ZCCHC7: variants seen among roughly 807,000 people sequenced by gnomAD.
ZCCHC7 encodes the protein zinc finger CCHC domain-containing protein 7.
In ZCCHC7, 35 loss-of-function variants were observed where a neutral mutation model predicts 52.0. That is an observed-to-expected ratio of 0.67 (90% confidence interval 0.51 to 0.89). ZCCHC7 has a LOEUF of 0.89. ZCCHC7 is among the 40% of genes least tolerant of loss of function. ZCCHC7 has a pLI of 0.00. For missense variants in ZCCHC7, 574 were observed against 649.1 expected, an observed-to-expected ratio of 0.88 and a Z score of 1.26; for synonymous variants, 217 against 221.5, an observed-to-expected ratio of 0.98 and a Z score of 0.18.
At chr9:37,261,446 CTCCTCTTA>C (rs1278193067) in intron 2 of ZCCHC7, among the ~76,000 whole-genome samples, 2 of 152,150 alleles carry the variant, frequency 1.3e-5, no homozygotes, top group Admixed American at 1.3e-4. Context: ...CTGTTTGATC[CTCCTCTTA>C]TCCTCTTAAC....
At chr9:37,330,105 A>C (rs1830397551) in intron 6 of ZCCHC7, among the ~76,000 whole-genome samples, 1 of 151,814 alleles carries the variant, frequency 6.6e-6, no homozygotes, top group Non-Finnish European at 1.5e-5. Flanking sequence ...ATGTTTATCC[A>C]GGAGTCGTTT....
chr9:37,346,444 GGCAA>G (rs1341484355), intron 6 of ZCCHC7, among the ~76,000 whole-genome samples: 2 of 152,192 alleles, frequency 1.3e-5, no homozygotes, highest in Non-Finnish European at 2.9e-5. Context: ...GGGAGGCGAA[GGCAA>G]GCAATTCACC....
chr9:37,323,269 AT>A (rs1373303070), intron 5 of ZCCHC7, among the ~76,000 whole-genome samples: 1 of 152,226 alleles, frequency 6.6e-6, no homozygotes, highest in African/African-American at 2.4e-5. Context: ...ATTAGCAACT[AT>A]TTGTGAAATT....
At chr9:37,215,100 A>G (rs1380579372) in intron 2 of ZCCHC7, among the ~76,000 whole-genome samples, 2 of 152,142 alleles carry the variant, frequency 1.3e-5, no homozygotes, top group Non-Finnish European at 2.9e-5. Flanking sequence ...ACAGAGGGAA[A>G]AATCTAAATT....
At chr9:37,324,057 A>G (rs1830149391) in intron 5 of ZCCHC7, among the ~76,000 whole-genome samples, 1 of 152,234 alleles carries the variant, frequency 6.6e-6, no homozygotes, top group African/African-American at 2.4e-5. Context: ...TCATTCAACA[A>G]TTTTTAAACT....
intron 6 of ZCCHC7, among the ~76,000 whole-genome samples, chr9:37,338,783 G>GT (rs1169603567): frequency 2.7e-4 from 40 of 150,468 alleles, no homozygotes; most frequent in African/African-American, 9.3e-4. Context: ...GTTGTTTTTT[G>GT]TTTTCTTTTT....
intron 2 of ZCCHC7, among the ~76,000 whole-genome samples, chr9:37,202,247 C>T (rs1384616624): frequency 1.3e-5 from 2 of 152,174 alleles, no homozygotes; most frequent in Admixed American, 6.5e-5. Flanking sequence ...ATTGGGATAA[C>T]ATGCATGTAC....
At chr9:37,282,894 T>A (rs1262556083) in intron 2 of ZCCHC7, among the ~76,000 whole-genome samples, 59 of 127,914 alleles carry the variant, frequency 4.6e-4, no homozygotes, top group African/African-American at 1.7e-3. Context: ...TTTTTTTTTT[T>A]AATGAAAATG....
intron 2 of ZCCHC7, among the ~76,000 whole-genome samples, chr9:37,146,176 T>C (rs897672119): frequency 6.6e-6 from 1 of 151,922 alleles, no homozygotes; most frequent in African/African-American, 2.4e-5. Flanking sequence ...AGTCCTTTGC[T>C]TACTGCTGTA....
intron 2 of ZCCHC7, among the ~76,000 whole-genome samples, chr9:37,222,328 AGTGTGTGTGTGTGT>A (rs74182938): frequency 2.7e-3 from 356 of 133,094 alleles, no homozygotes; most frequent in South Asian, 5.5e-3. Flanking sequence ...AGAATAACAG[AGTGTGTGTGTGTGT>A]GTGTGTGTGT....
intron 7 of ZCCHC7, among the ~76,000 whole-genome samples, chr9:37,351,605 C>T (rs1821382372): frequency 6.6e-6 from 1 of 152,210 alleles, no homozygotes; most frequent in South Asian, 2.1e-4. Context: ...CCATGCCCAG[C>T]CAAGAAGACT....
rs7861986 is a variant in ZCCHC7, at chr9:37,206,368, G to A, written c.610+79426G>A. Reference sequence around the variant, plus strand: ...CTTCCCTCCCGCCTTCACCTTTCCCGCTTCGTTTTGGCAGGGTCTCCCTCT... The same window carrying A: ...CTTCCCTCCCGCCTTCACCTTTCCCACTTCGTTTTGGCAGGGTCTCCCTCT... On this transcript the variant is annotated intron_variant, in intron 2 of 8. Transcript: ENST00000336755. 6.2e-3 allele frequency among the ~76,000 whole-genome samples: 812 copies of A among 131,262 alleles called. 7 individuals carry two copies. Among genetic ancestry groups the A allele is most frequent in the African/African-American group, 0.019 (666 of 35,326 alleles). 86.1% of individuals were successfully genotyped at this position (131,262 alleles called of 152,430 possible).
At chr9:37,294,538 T>G (rs1828691538) in intron 2 of ZCCHC7, among the ~76,000 whole-genome samples, 1 of 152,190 alleles carries the variant, frequency 6.6e-6, no homozygotes, top group African/African-American at 2.4e-5. Flanking sequence ...TTGAAGTCCA[T>G]TTTAATTCTT....
At chr9:37,349,539 A>C in intron 7 of ZCCHC7, 87 bp downstream of exon 7, 1 of 1,260,746 alleles carries the variant, frequency 7.9e-7, no homozygotes, top group Non-Finnish European at 1.1e-6. Flanking sequence ...TGTAACTCTA[A>C]ATACTTACTT....
chr9:37,200,104 A>T (rs1823552800), intron 2 of ZCCHC7, among the ~76,000 whole-genome samples: 1 of 151,942 alleles, frequency 6.6e-6, no homozygotes, highest in South Asian at 2.1e-4. Flanking sequence ...ATTGGGTTAC[A>T]CGTTCTTTTA....
At position 37,182,656 on chromosome 9, in the gene ZCCHC7, G is replaced by A. The variant is rs187586823; in HGVS notation, c.610+55714G>A. 3.3e-5 allele frequency among the ~76,000 whole-genome samples: 5 copies of A among 152,156 alleles called. No individual in the cohort carries two copies. In the East Asian group the frequency reaches 5.8e-4, roughly 18 times the overall value. On this transcript the variant is annotated intron_variant, in intron 2 of 8. Transcript: ENST00000336755. ...GCTGGGATTATAGGCATGAGCCACC[G>A]CGCCTGGCCCAGTCGTAGTGATTTC...
chr9:37,196,616 C>A (rs887406875), intron 2 of ZCCHC7, among the ~76,000 whole-genome samples: 11 of 151,996 alleles, frequency 7.2e-5, no homozygotes, highest in African/African-American at 9.7e-5. Flanking sequence ...TACATAGTGA[C>A]CATTTTTAGC....
Position 37,253,252 on chromosome 9 carries a change from G to GT in ZCCHC7, c.611-48927dup, listed in dbSNP as rs941476317. 2.5e-4 allele frequency among the ~76,000 whole-genome samples: 38 copies of GT among 150,978 alleles called. 2 individuals are homozygous for GT. Among genetic ancestry groups the GT allele is most frequent in the African/African-American group, 4.6e-4 (19 of 41,228 alleles). ...ATTATGCTATTCTTTTATCATCATAGTTTTTTTTTAAAGGAAAATCATAAT... is the reference window on the plus strand; with the variant it reads ...ATTATGCTATTCTTTTATCATCATAGTTTTTTTTTTAAAGGAAAATCATAAT... On this transcript the variant is annotated intron_variant, in intron 2 of 8. Transcript: ENST00000336755.
intron 7 of ZCCHC7, among the ~76,000 whole-genome samples, chr9:37,352,516 T>TTTTTTTTTTG: frequency 7.3e-6 from 1 of 137,864 alleles, no homozygotes. Context: ...TTGCTCTTTT[T>TTTTTTTTTTG]TTTTTTTTTT....
Sources: allele counts gnomAD v4.1 joint callset (sites outside exome capture counted in the v4.1 genomes callset), GRCh38; gene constraint gnomAD v4.1.1; transcripts MANE v1.5; gene names NCBI Gene and HGNC (gene_info 2026-07-23, HGNC 2026-07-21).